The following MB21D2 variants were observed in gnomAD, a reference collection of about 807,000 sequenced individuals.
MB21D2 encodes nucleotidyltransferase MB21D2.
In MB21D2, 9 loss-of-function variants were observed where a neutral mutation model predicts 33.3. That is an observed-to-expected ratio of 0.27 (90% CI 0.16 to 0.47). The LOEUF (loss-of-function observed/expected upper bound fraction) is 0.47, where lower values mean the gene tolerates loss of function less well. Ranked by LOEUF, MB21D2 falls within the 20% of genes least tolerant of loss-of-function variation. The pLI, the probability that MB21D2 is intolerant of heterozygous loss-of-function variation, is 0.99. For synonymous variants in MB21D2, 241 were observed against 236.3 expected (o/e 1.02, Z -0.18); for missense variants, 540 against 624.6 (o/e 0.86, Z 1.44).
chr3:192,855,713 C>T (rs536603134), intron 1 of MB21D2, among the ~76,000 whole-genome samples: 1 of 152,364 alleles, frequency 6.6e-6, no homozygotes, highest in Non-Finnish European at 1.5e-5. Context: ...CTCCTCTCCA[C>T]TTTCTCTCTC....
At chr3:192,894,518 A>G (rs1303080595) in intron 1 of MB21D2, among the ~76,000 whole-genome samples, 1 of 151,998 alleles carries the variant, frequency 6.6e-6, no homozygotes, top group African/African-American at 2.4e-5. Flanking sequence ...GACTATTTTC[A>G]CCTGAGAGGT....
At chr3:192,917,585 TCA>T (rs564777411) in intron 1 of MB21D2, 43 bp downstream of exon 1, 804 of 1,480,050 alleles carry the variant, frequency 5.4e-4, no homozygotes, top group Non-Finnish European at 5.8e-4. Context: ...CCGCTTCCCA[TCA>T]CACACACACA....
intron 1 of MB21D2, among the ~76,000 whole-genome samples, chr3:192,916,098 T>TTATATATATATATATATATATATATA (rs55749042): frequency 7.2e-4 from 100 of 139,100 alleles, no homozygotes; most frequent in African/African-American, 2.7e-3. Flanking sequence ...CTACCAGGTT[T>TTATATATATATATATATATATATATA]TATATATATA....
intron 1 of MB21D2, among the ~76,000 whole-genome samples, chr3:192,848,749 T>C (rs1712723820): frequency 6.6e-6 from 1 of 152,154 alleles, no homozygotes; most frequent in South Asian, 2.1e-4. Context: ...AGGCAAATGA[T>C]TAAGTACTAA....
At chr3:192,889,563 C>T (rs1340949888) in intron 1 of MB21D2, among the ~76,000 whole-genome samples, 1 of 152,078 alleles carries the variant, frequency 6.6e-6, no homozygotes, top group Non-Finnish European at 1.5e-5. Context: ...AATTACAAGA[C>T]ACTTGCCCAG....
chr3:192,881,087 C>T (rs1231742751), intron 1 of MB21D2, among the ~76,000 whole-genome samples: 3 of 152,036 alleles, frequency 2.0e-5, no homozygotes, highest in Admixed American at 6.5e-5. Flanking sequence ...TCTCTAGGTG[C>T]TATGATTTCA....
At chr3:192,882,581 CACTG>C (rs1211840264) in intron 1 of MB21D2, among the ~76,000 whole-genome samples, 2 of 152,108 alleles carry the variant, frequency 1.3e-5, no homozygotes, top group Admixed American at 6.5e-5. Context: ...ACCTGTGTTT[CACTG>C]ACTGTTTACC....
intron 1 of MB21D2, among the ~76,000 whole-genome samples, chr3:192,901,282 T>C (rs1231055550): frequency 2.0e-5 from 3 of 152,130 alleles, no homozygotes; most frequent in African/African-American, 7.2e-5. Context: ...GTTGAGACTT[T>C]ATTGCGGCCG....
intron 1 of MB21D2, among the ~76,000 whole-genome samples, chr3:192,873,574 C>G (rs1353394355): frequency 2.0e-5 from 3 of 152,206 alleles, no homozygotes; most frequent in African/African-American, 7.2e-5. Context: ...CATTTCACCA[C>G]TGGAGAAACC....
intron 1 of MB21D2, among the ~76,000 whole-genome samples, chr3:192,802,860 G>C (rs1233584457): frequency 6.6e-6 from 1 of 152,192 alleles, no homozygotes; most frequent in Non-Finnish European, 1.5e-5. Flanking sequence ...GTGAAATGCT[G>C]TGTTGTGGTT....
At chr3:192,884,375 T>C (rs1222495512) in intron 1 of MB21D2, among the ~76,000 whole-genome samples, 2 of 152,016 alleles carry the variant, frequency 1.3e-5, no homozygotes, top group Non-Finnish European at 2.9e-5. Context: ...TCTTTTTTGT[T>C]GTTGTTGTTG....
intron 1 of MB21D2, among the ~76,000 whole-genome samples, chr3:192,873,699 T>TTTTTTG (rs929752178): frequency 1.3e-5 from 2 of 152,172 alleles, no homozygotes; most frequent in African/African-American, 2.4e-5. Context: ...GTGCATTTCT[T>TTTTTTG]TTTTTGTTTT....
chr3:192,913,208 C>G (rs557479586), intron 1 of MB21D2, among the ~76,000 whole-genome samples: 1 of 152,232 alleles, frequency 6.6e-6, no homozygotes, highest in African/African-American at 2.4e-5. Flanking sequence ...CCAGCCTGGG[C>G]AACATGGCGA....
chr3:192,887,976 A>G (rs1713770025), intron 1 of MB21D2, among the ~76,000 whole-genome samples: 1 of 152,002 alleles, frequency 6.6e-6, no homozygotes, highest in Admixed American at 6.6e-5. Context: ...ACAAGGCAAC[A>G]GGGGACGCGT....
intron 1 of MB21D2, among the ~76,000 whole-genome samples, chr3:192,835,181 G>A (rs1302758908): frequency 9.0e-4 from 130 of 145,230 alleles, no homozygotes; most frequent in African/African-American, 2.8e-3. Flanking sequence ...AAAGCTGGGT[G>A]CGGTGGCTTA....
Position 192,886,503 on chromosome 3 carries a change from G to T in MB21D2, c.211+31127C>A, listed in dbSNP as rs556681432. On this transcript the variant is annotated intron_variant, in intron 1 of 1. Transcript: ENST00000392452. ...TGACACTTTGCTACATTTCCTTCGG[G>T]CTTTTGAATAATAATTTAAAAAAGA... Among the ~76,000 whole-genome samples, 3 of 152,122 alleles carry T rather than the reference G, an allele frequency of 2.0e-5. No homozygotes were observed. The East Asian group carries it at 5.8e-4, about 29-fold the overall frequency.
At chr3:192,843,144 T>G (rs1022963006) in intron 1 of MB21D2, among the ~76,000 whole-genome samples, 1 of 152,144 alleles carries the variant, frequency 6.6e-6, no homozygotes, top group Non-Finnish European at 1.5e-5. Flanking sequence ...GCCTGAAGAT[T>G]ACATGAGGGC....
intron 1 of MB21D2, among the ~76,000 whole-genome samples, chr3:192,908,876 T>C (rs1714269886): frequency 6.6e-6 from 1 of 152,138 alleles, no homozygotes; most frequent in Non-Finnish European, 1.5e-5. Context: ...CGACAGACTG[T>C]AGAAGCCTAT....
chr3:192,890,291 C>A (rs940496040), intron 1 of MB21D2, among the ~76,000 whole-genome samples: 1 of 151,566 alleles, frequency 6.6e-6, no homozygotes, highest in African/African-American at 2.4e-5. Context: ...ATCACAGATG[C>A]CAGGAGAAAT....
Sources: gnomAD v4.1 joint callset for allele counts (sites outside exome capture counted in the v4.1 genomes callset) on GRCh38, gnomAD v4.1.1 for gene constraint, MANE v1.5 for transcripts, NCBI Gene and HGNC (gene_info 2026-07-23, HGNC 2026-07-21) for gene names.